HSD17B12: variants seen among roughly 807,000 people sequenced by gnomAD.
HSD17B12 encodes the protein hydroxysteroid 17-beta dehydrogenase 12.
A neutral mutation model predicts 39.3 loss-of-function variants in HSD17B12; 32 were observed. That is an observed-to-expected ratio of 0.81 (90% CI 0.61 to 1.09). HSD17B12 has a LOEUF of 1.09. Ranked by LOEUF, HSD17B12 falls within the 50% of genes least tolerant of loss-of-function variation. The pLI is 0.00. For missense variants in HSD17B12, 342 were observed against 382.9 expected (o/e 0.89, Z 0.89); for synonymous variants, 150 against 146.7 (o/e 1.02, Z -0.16).
At chr11:43,718,649 A>T in intron 1 of HSD17B12, 1 of 692,464 alleles carries the variant, frequency 1.4e-6, no homozygotes. Flanking sequence ...TGTATCAAAA[A>T]TATACCTTGA....
At chr11:43,621,352 A>G in the HSD17B12 span, among the ~76,000 whole-genome samples, 2 of 152,200 alleles carry the variant, frequency 1.3e-5, no homozygotes, top group Admixed American at 1.3e-4. Context: ...TGCTGTGGTT[A>G]CCAGACATTG....
the HSD17B12 span, among the ~76,000 whole-genome samples, chr11:43,658,180 G>C: frequency 2.0e-5 from 3 of 152,020 alleles, no homozygotes; most frequent in African/African-American, 7.3e-5. Context: ...TCTTCCAGTT[G>C]ATCACATCAG....
chr11:43,610,836 A>C, the HSD17B12 span, among the ~76,000 whole-genome samples: 1 of 152,192 alleles, frequency 6.6e-6, no homozygotes, highest in Non-Finnish European at 1.5e-5. Context: ...CTGAGTATGC[A>C]TGCACTCCTC....
At chr11:43,586,005 T>C in the HSD17B12 span, among the ~76,000 whole-genome samples, 1 of 152,220 alleles carries the variant, frequency 6.6e-6, no homozygotes, top group Non-Finnish European at 1.5e-5. Flanking sequence ...AATCTCTTCA[T>C]TTTATAAATC....
chr11:43,674,766 C>T, the HSD17B12 span, among the ~76,000 whole-genome samples: 47,526 of 152,090 alleles, frequency 0.31, 7,560 homozygotes, highest in African/African-American at 0.34. Flanking sequence ...GCCTTCATTC[C>T]GGTGTTGATT....
At chr11:43,844,546 A>C (rs991143392) in intron 9 of HSD17B12, among the ~76,000 whole-genome samples, 6 of 151,972 alleles carry the variant, frequency 3.9e-5, no homozygotes, top group Non-Finnish European at 8.8e-5. Context: ...ATTACCTTAT[A>C]ATTAAAGTCC....
chr11:43,752,782 TA>T (rs1950477228), intron 2 of HSD17B12, among the ~76,000 whole-genome samples: 1 of 152,160 alleles, frequency 6.6e-6, no homozygotes, highest in Admixed American at 6.5e-5. Flanking sequence ...TGTTTTTCTA[TA>T]AAAGCTTTTC....
rs61646858 is a variant in HSD17B12 at position 43,690,361 on chromosome 11, CAT to C, written c.160+9417_160+9418del. 3.9e-3 allele frequency among the ~76,000 whole-genome samples: 155 copies of C among 39,420 alleles called. 2 individuals are homozygous for C. Among genetic ancestry groups the C allele is most frequent in the African/African-American group, 8.6e-3 (69 of 7,998 alleles). 25.9% of individuals were successfully genotyped at this position (39,420 alleles called of 152,430 possible). On this transcript the variant is annotated intron_variant, in intron 1 of 10. Transcript: ENST00000278353. ...ATATCTGTTAAGTAAGGTATTCATA[CAT>C]ATATATATATATATATATATATATA...
At position 43,750,922 on chromosome 11, in the gene HSD17B12, A is replaced by G; in HGVS notation, c.172A>G (p.Ser58Gly). 6.2e-7 allele frequency: 1 copy of G among 1,601,578 alleles called. No individual in the cohort carries two copies. Among genetic ancestry groups the G allele is most frequent in the Non-Finnish European group, 8.5e-7 (1 of 1,172,152 alleles). The part of the protein sequence containing the change: ...GLGEWAVVTG[S>G]TDGIGKSYAE... ...TTTCCCTTTCCCAGTTGTCACAGGT[A>G]GTACTGATGGAATTGGAAAATCATA... The change falls in exon 2 of 11, where the codon AGT becomes GGT. Residue 58 changes from serine (S) to glycine (G), a missense_variant. Ser to Gly is a moderately conservative substitution (Grantham distance 56). Transcript: ENST00000278353.
intron 1 of HSD17B12, among the ~76,000 whole-genome samples, chr11:43,693,435 C>G (rs562909831): frequency 6.6e-6 from 1 of 152,218 alleles, no homozygotes; most frequent in African/African-American, 2.4e-5. Context: ...TGATATGTAC[C>G]TTTTTAGCCC....
chr11:43,840,092 T>A, intron 9 of HSD17B12, 28 bp downstream of exon 9: 1 of 1,590,750 alleles, frequency 6.3e-7, no homozygotes, highest in Non-Finnish European at 8.6e-7. Context: ...CACTTAAGTA[T>A]CCCTGTTTTT....
chr11:43,772,144 A>G (rs1342902795), intron 3 of HSD17B12, among the ~76,000 whole-genome samples: 3 of 152,172 alleles, frequency 2.0e-5, no homozygotes, highest in African/African-American at 7.2e-5. Flanking sequence ...GTTTACCTTC[A>G]TTTAGCATGG....
the HSD17B12 span, among the ~76,000 whole-genome samples, chr11:43,650,599 A>G: frequency 6.6e-6 from 1 of 152,200 alleles, no homozygotes. Context: ...GTTCCTGGGT[A>G]TATGGCCTCA....
rs1236952204 is a variant in HSD17B12, at chr11:43,831,141, T to C, written c.536+131T>C. On this transcript the variant is annotated intron_variant, in intron 7 of 10. Transcript: ENST00000278353. The surrounding 1 kb of genome is among the most constrained non-coding windows in gnomAD (Gnocchi z 4.1). ...CCTCCATGTCTTAGCCACAGAGTGATGTACCAGGCGAGTCACAGTAGAGCA... is the reference window on the plus strand; with the variant it reads ...CCTCCATGTCTTAGCCACAGAGTGACGTACCAGGCGAGTCACAGTAGAGCA... The C allele has an allele frequency of 6.6e-6, 5 of 757,878 alleles. No homozygotes were observed. The highest frequency in any genetic ancestry group is 1.1e-5 in the Non-Finnish European group (5 of 475,844). 46.9% of individuals were successfully genotyped at this position (757,878 alleles called of 1,614,324 possible).
chr11:43,653,274 C>T, the HSD17B12 span, among the ~76,000 whole-genome samples: 1 of 152,058 alleles, frequency 6.6e-6, no homozygotes, highest in South Asian at 2.1e-4. Flanking sequence ...TGTTCCATGC[C>T]TCATACTGTA....
chr11:43,642,966 G>A, the HSD17B12 span, among the ~76,000 whole-genome samples: 9 of 151,844 alleles, frequency 5.9e-5, no homozygotes, highest in Admixed American at 2.6e-4. Flanking sequence ...TACTAAATAC[G>A]TATCTTTCCA....
chr11:43,681,299 G>A (rs892872483), intron 1 of HSD17B12: 16 of 358,572 alleles, frequency 4.5e-5, no homozygotes, highest in African/African-American at 6.4e-5. Flanking sequence ...TGTTCATGGA[G>A]CCAGTCAGTC....
chr11:43,614,814 T>C, the HSD17B12 span, among the ~76,000 whole-genome samples: 35 of 152,136 alleles, frequency 2.3e-4, no homozygotes, highest in Non-Finnish European at 2.8e-4. Context: ...TATTTCATCC[T>C]GTTTATAATT....
the HSD17B12 span, among the ~76,000 whole-genome samples, chr11:43,669,636 G>A: frequency 1.3e-5 from 2 of 152,148 alleles, no homozygotes; most frequent in Admixed American, 1.3e-4. Context: ...CCTAACTTCT[G>A]GTGGTTGTTG....
Sources: allele counts gnomAD v4.1 joint callset (sites outside exome capture counted in the v4.1 genomes callset), GRCh38; gene constraint gnomAD v4.1.1; non-coding constraint Gnocchi (gnomAD v3.1); transcripts MANE v1.5; gene names NCBI Gene and HGNC (gene_info 2026-07-23, HGNC 2026-07-21).